ASAP1: variants seen among roughly 807,000 people sequenced by gnomAD.
ASAP1 encodes ArfGAP with SH3 domain, ankyrin repeat and PH domain 1.
In ASAP1, 43 loss-of-function variants were observed where a neutral mutation model predicts 145.2. That is an observed-to-expected ratio of 0.30 (90% CI 0.23 to 0.38). The LOEUF is 0.38. ASAP1 is among the 10% of genes least tolerant of loss of function. The pLI is 1.00. For missense variants in ASAP1, 1,018 were observed against 1,355.3 expected (o/e 0.75, Z 3.91); for synonymous variants, 546 against 515.5 (o/e 1.06, Z -0.80).
chr8:130,250,155 T>G (rs1208167566), intron 3 of ASAP1, among the ~76,000 whole-genome samples: 2 of 152,104 alleles, frequency 1.3e-5, no homozygotes, highest in East Asian at 3.9e-4. Flanking sequence ...CATTTCGGTG[T>G]CCCTATTTTG....
intron 3 of ASAP1, among the ~76,000 whole-genome samples, chr8:130,307,232 C>A (rs1391594636): frequency 6.7e-6 from 1 of 149,786 alleles, no homozygotes; most frequent in Admixed American, 6.6e-5. Context: ...ATCCCCAACA[C>A]CCAGAACAAT....
intron 3 of ASAP1, among the ~76,000 whole-genome samples, chr8:130,260,265 T>C (rs1453164519): frequency 3.4e-4 from 51 of 152,128 alleles, no homozygotes; most frequent in Admixed American, 3.3e-3. Flanking sequence ...CACAGTCTCT[T>C]CCAATCAAAT....
At chr8:130,188,723 C>CAAAAAAAAAAAAAAA (rs370580190) in intron 5 of ASAP1, among the ~76,000 whole-genome samples, 5 of 83,846 alleles carry the variant, frequency 6.0e-5, no homozygotes, top group African/African-American at 9.4e-5. Flanking sequence ...GAGACTCTCT[C>CAAAAAAAAAAAAAAA]AAAAAAAAAA....
At chr8:130,370,203 G>A (rs1036083213) in intron 2 of ASAP1, among the ~76,000 whole-genome samples, 7 of 152,218 alleles carry the variant, frequency 4.6e-5, no homozygotes, top group African/African-American at 1.7e-4. Flanking sequence ...TCAGGAGGCT[G>A]AGGCAGGAGA....
intron 24 of ASAP1, among the ~76,000 whole-genome samples, chr8:130,109,514 T>A (rs1042589853): frequency 6.6e-6 from 1 of 152,110 alleles, no homozygotes; most frequent in Admixed American, 6.5e-5. Flanking sequence ...GACCCCTAAA[T>A]TCAGTTGAGG....
chr8:130,391,740 C>T (rs1828293661), intron 2 of ASAP1, among the ~76,000 whole-genome samples: 1 of 152,204 alleles, frequency 6.6e-6, no homozygotes, highest in Admixed American at 6.5e-5. Context: ...TCATTTCAGT[C>T]CAATACAGTA....
chr8:130,347,363 G>C lies in ASAP1; in HGVS notation c.186+10654C>G, dbSNP rs895544675. ...AAAGGATCAAGGGGAGGTGACACTT[G>C]CAGAGGGAAGGGCAGAGAAACTAAC... On this transcript the variant is annotated intron_variant, in intron 3 of 29. Transcript: ENST00000518721. Among the ~76,000 whole-genome samples, 31 of 152,218 alleles carry C rather than the reference G, an allele frequency of 2.0e-4. 1 individual carries two copies. The highest frequency in any genetic ancestry group is 8.8e-5 in the Non-Finnish European group (6 of 68,026).
intron 25 of ASAP1, among the ~76,000 whole-genome samples, chr8:130,081,117 T>C (rs908234803): frequency 6.6e-6 from 1 of 152,168 alleles, no homozygotes; most frequent in Non-Finnish European, 1.5e-5. Context: ...TTGAGGAGAA[T>C]AGTTTCTAAA....
chr8:130,344,674 CAGTA>C (rs1203273610), intron 3 of ASAP1, among the ~76,000 whole-genome samples: 1 of 152,156 alleles, frequency 6.6e-6, no homozygotes, highest in Non-Finnish European at 1.5e-5. Flanking sequence ...ATAGAACCTG[CAGTA>C]AGTAAGCATG....
intron 12 of ASAP1, among the ~76,000 whole-genome samples, chr8:130,158,139 T>C (rs144930786): frequency 2.6e-5 from 4 of 152,122 alleles, no homozygotes; most frequent in African/African-American, 9.6e-5. Context: ...CAGTAAAAAA[T>C]GTACATGTCT....
chr8:130,111,964 G>C, intron 24 of ASAP1, 130 bp downstream of exon 24: 1 of 882,358 alleles, frequency 1.1e-6, no homozygotes, highest in Non-Finnish European at 1.8e-6. Flanking sequence ...AGCTGCTCCT[G>C]ACAACACGAT....
chr8:130,105,053 A>G (rs1372905712), intron 24 of ASAP1, among the ~76,000 whole-genome samples: 1 of 151,860 alleles, frequency 6.6e-6, no homozygotes, highest in East Asian at 1.9e-4. Flanking sequence ...TTTTCAATTT[A>G]TTTTTAATTG....
intron 3 of ASAP1, among the ~76,000 whole-genome samples, chr8:130,304,352 GA>G (rs1822860591): frequency 6.6e-6 from 1 of 151,990 alleles, no homozygotes; most frequent in Admixed American, 6.6e-5. Context: ...AGTCATCTTT[GA>G]AAGTCTGACA....
intron 3 of ASAP1, among the ~76,000 whole-genome samples, chr8:130,296,908 T>C (rs1822315128): frequency 6.6e-6 from 1 of 152,154 alleles, no homozygotes; most frequent in Admixed American, 6.5e-5. Flanking sequence ...TTTTTCACAG[T>C]CTGGTAGCTT....
intron 1 of ASAP1, among the ~76,000 whole-genome samples, chr8:130,437,394 T>C (rs1297333896): frequency 6.6e-6 from 1 of 152,224 alleles, no homozygotes; most frequent in Non-Finnish European, 1.5e-5. Context: ...ACCCTTGTGC[T>C]GGCTGCTTTT....
At chr8:130,408,837 G>C (rs1187982512) in intron 1 of ASAP1, among the ~76,000 whole-genome samples, 3 of 152,184 alleles carry the variant, frequency 2.0e-5, no homozygotes, top group Non-Finnish European at 2.9e-5. Context: ...GGCAGACTCA[G>C]AACTCAAACT....
At chr8:130,281,243 CAAT>C (rs756084622) in intron 3 of ASAP1, among the ~76,000 whole-genome samples, 15 of 152,130 alleles carry the variant, frequency 9.9e-5, no homozygotes, top group Non-Finnish European at 2.1e-4. Flanking sequence ...ACCTACAACT[CAAT>C]AAAATTAGTA....
Position 130,092,163 on chromosome 8 carries a change from G to C in ASAP1, c.2402-20C>G. 1.9e-6 allele frequency: 3 copies of C among 1,560,318 alleles called. No individual in the cohort carries two copies. The highest frequency in any genetic ancestry group is 1.2e-5 in the South Asian group (1 of 83,476). The stretch of plus-strand genomic sequence containing the variant: ...TTGGACCTAGAAAGGAAATTGAATG[G>C]GGGCAGGAAGATTAATCCCAGTCTC... On this transcript the variant is annotated intron_variant, in intron 24 of 29. Coordinates refer to ENST00000518721, the MANE Select transcript of ASAP1 (RefSeq NM_018482.4).
rs140376720 is a variant in ASAP1, at chr8:130,170,731, ATC to A, written c.747-1666_747-1665del. Among the ~76,000 whole-genome samples the A allele has an allele frequency of 1.4e-3, 214 of 149,636 alleles. 1 individual carries two copies. The highest frequency in any genetic ancestry group is 4.5e-3 in the African/African-American group (184 of 40,966). ...AATACATGAACACATGTAAAGCCTC[ATC>A]TCTCTCTCTCTCTCTCGGCAGGGTC... On this transcript the variant is annotated intron_variant, in intron 9 of 29. Coordinates refer to ENST00000518721, the MANE Select transcript of ASAP1 (RefSeq NM_018482.4).
Sources: gnomAD v4.1 joint callset for allele counts (sites outside exome capture counted in the v4.1 genomes callset) on GRCh38, gnomAD v4.1.1 for gene constraint, MANE v1.5 for transcripts, NCBI Gene and HGNC (gene_info 2026-07-23, HGNC 2026-07-21) for gene names.